ZFHX3: variants seen among roughly 807,000 people sequenced by gnomAD.
The protein encoded by ZFHX3 is zinc finger homeobox protein 3.
A neutral mutation model predicts 279.1 loss-of-function variants in ZFHX3; 42 were observed. That is an observed-to-expected ratio of 0.15 (90% CI 0.12 to 0.19). ZFHX3 has a LOEUF of 0.19. Ranked by LOEUF, ZFHX3 falls within the 10% of genes least tolerant of loss-of-function variation. The probability of loss-of-function intolerance (pLI) is 1.00; values close to 1 mark genes in which losing one functional copy is unlikely to be tolerated. For synonymous variants in ZFHX3, 2,293 were observed against 1,957.8 expected, an observed-to-expected ratio of 1.17 and a Z score of -4.52; for missense variants, 4,981 against 4,754.0, an observed-to-expected ratio of 1.05 and a Z score of -1.40.
chr16:73,122,229 G>A (rs1315802772), intron 7 of ZFHX3, among the ~76,000 whole-genome samples: 1 of 151,354 alleles, frequency 6.6e-6, no homozygotes, highest in East Asian at 1.9e-4. Context: ...TTTTTAAGAT[G>A]GAGTCTCACT....
At chr16:73,709,660 A>C (rs2053338752) in intron 1 of ZFHX3, among the ~76,000 whole-genome samples, 1 of 152,178 alleles carries the variant, frequency 6.6e-6, no homozygotes, top group Non-Finnish European at 1.5e-5. Context: ...CAAAGGATAC[A>C]AAATTTCAGT....
chr16:73,309,604 G>C (rs2015275028), intron 4 of ZFHX3, among the ~76,000 whole-genome samples: 1 of 152,154 alleles, frequency 6.6e-6, no homozygotes, highest in Non-Finnish European at 1.5e-5. Context: ...TAGCAGTAAA[G>C]GAAGATACTG....
At chr16:73,076,840 C>T (rs1483786027) in intron 8 of ZFHX3, among the ~76,000 whole-genome samples, 2 of 151,924 alleles carry the variant, frequency 1.3e-5, no homozygotes, top group Non-Finnish European at 2.9e-5. Flanking sequence ...CTGTGCGCAG[C>T]GGCATTAACT....
intron 4 of ZFHX3, among the ~76,000 whole-genome samples, chr16:73,299,110 C>T (rs1020657712): frequency 2.0e-5 from 3 of 152,086 alleles, no homozygotes; most frequent in African/African-American, 4.8e-5. Context: ...GACTGGGGTC[C>T]GGTTACCAGC....
Position 73,511,041 on chromosome 16 carries a change from T to G in ZFHX3, c.-1546-54783A>C, listed in dbSNP as rs561657679. Among the ~76,000 whole-genome samples, 34 of 152,350 alleles carry G rather than the reference T, an allele frequency of 2.2e-4. 1 individual carries two copies. Among genetic ancestry groups the G allele is most frequent in the African/African-American group, 7.7e-4 (32 of 41,588 alleles). ...ATACCTCTGGCTTTGTGCCTTGTGCTTCTTTGATGTTGTCAGATGAGGTAC... is the reference window on the plus strand; with the variant it reads ...ATACCTCTGGCTTTGTGCCTTGTGCGTCTTTGATGTTGTCAGATGAGGTAC... On this transcript the variant is annotated intron_variant, in intron 2 of 17. Coordinates refer to the ZFHX3 transcript ENST00000641206.
At chr16:73,095,826 G>A (rs910176665) in intron 7 of ZFHX3, among the ~76,000 whole-genome samples, 1 of 152,220 alleles carries the variant, frequency 6.6e-6, no homozygotes, top group Non-Finnish European at 1.5e-5. Context: ...TTTGAAAGAA[G>A]GCGGTGGGTG....
intron 7 of ZFHX3, among the ~76,000 whole-genome samples, chr16:73,096,981 GA>G (rs1966171744): frequency 6.6e-6 from 1 of 152,104 alleles, no homozygotes; most frequent in Admixed American, 6.6e-5. Flanking sequence ...GCCAAGGCAA[GA>G]GGAGAAATAT....
chr16:73,793,394 T>G (rs1308394793), intron 1 of ZFHX3, among the ~76,000 whole-genome samples: 1 of 152,212 alleles, frequency 6.6e-6, no homozygotes, highest in African/African-American at 2.4e-5. Flanking sequence ...CGTGAGACAA[T>G]GAAAAGGAAG....
At chr16:73,241,688 G>C (rs527292212) in intron 5 of ZFHX3, among the ~76,000 whole-genome samples, 4 of 151,446 alleles carry the variant, frequency 2.6e-5, no homozygotes, top group African/African-American at 4.9e-5. Context: ...TACTTGGGAG[G>C]CTGAGGCAGG....
At chr16:72,821,816 A>G (rs192562425) in intron 5 of ZFHX3, 1 of 152,340 alleles carries the variant, frequency 6.6e-6, no homozygotes, top group Admixed American at 6.5e-5. Context: ...TCTGGCACAT[A>G]GTGAAAGCGC....
intron 1 of ZFHX3, among the ~76,000 whole-genome samples, chr16:73,773,604 A>C (rs1220293261): frequency 6.6e-6 from 1 of 152,216 alleles, no homozygotes; most frequent in African/African-American, 2.4e-5. Flanking sequence ...AAGGAAAGGG[A>C]CAGAGAGAGG....
At chr16:73,785,332 C>T (rs758458682) in intron 1 of ZFHX3, among the ~76,000 whole-genome samples, 1 of 152,112 alleles carries the variant, frequency 6.6e-6, no homozygotes, top group Non-Finnish European at 1.5e-5. Flanking sequence ...AAAAATTTAT[C>T]CCCAAATTCT....
At chr16:73,020,520 G>A (rs1445487125) in intron 1 of ZFHX3, among the ~76,000 whole-genome samples, 1 of 152,170 alleles carries the variant, frequency 6.6e-6, no homozygotes, top group Non-Finnish European at 1.5e-5. Context: ...AACGGGCAAC[G>A]CGGGACCCAT....
chr16:72,864,193 T>A (rs943254683), intron 4 of ZFHX3, among the ~76,000 whole-genome samples: 1 of 152,154 alleles, frequency 6.6e-6, no homozygotes, highest in African/African-American at 2.4e-5. Flanking sequence ...CCATCTTATG[T>A]TTGATTTTAA....
chr16:73,884,133 C>T (rs529084983), intron 1 of ZFHX3, among the ~76,000 whole-genome samples: 13 of 152,226 alleles, frequency 8.5e-5, no homozygotes, highest in East Asian at 5.8e-4. Flanking sequence ...TTATACTACT[C>T]GCATATTGAA....
intron 3 of ZFHX3, among the ~76,000 whole-genome samples, chr16:72,920,264 C>T (rs2144233533): frequency 6.6e-6 from 1 of 152,258 alleles, no homozygotes; most frequent in Non-Finnish European, 1.5e-5. Context: ...TGGGCCTCAG[C>T]ACAGAATTAG....
intron 3 of ZFHX3, among the ~76,000 whole-genome samples, chr16:73,450,602 T>A (rs1475263022): frequency 6.6e-6 from 1 of 152,246 alleles, no homozygotes; most frequent in East Asian, 1.9e-4. Flanking sequence ...TTAAAAACTC[T>A]GCTGTTTTCT....
intron 1 of ZFHX3, among the ~76,000 whole-genome samples, chr16:73,721,981 G>A (rs917677128): frequency 6.6e-6 from 1 of 152,222 alleles, no homozygotes; most frequent in Non-Finnish European, 1.5e-5. Flanking sequence ...GAAGGTAGAG[G>A]CTGCAGTGAG....
chr16:73,594,096 T>C (rs2143848347), intron 2 of ZFHX3, among the ~76,000 whole-genome samples: 1 of 152,284 alleles, frequency 6.6e-6, no homozygotes, highest in East Asian at 1.9e-4. Context: ...AAACTATTTA[T>C]ATAAGATATG....
Sources: allele counts gnomAD v4.1 joint callset (sites outside exome capture counted in the v4.1 genomes callset), GRCh38; gene constraint gnomAD v4.1.1; transcripts MANE v1.5; gene names NCBI Gene and HGNC (gene_info 2026-07-23, HGNC 2026-07-21).